NTRK2: variants seen among roughly 807,000 people sequenced by gnomAD.
NTRK2 encodes neurotrophic receptor tyrosine kinase 2.
NTRK2 carries 13 observed loss-of-function variants against 94.5 expected under a neutral mutation model. That is an observed-to-expected ratio of 0.14 (90% CI 0.09 to 0.22). NTRK2 has a LOEUF of 0.22. Among genes scored for constraint, NTRK2 ranks in the 10% least tolerant of loss-of-function variants. The probability of loss-of-function intolerance (pLI) is 1.00; values close to 1 mark genes in which losing one functional copy is unlikely to be tolerated. For synonymous variants in NTRK2, 372 were observed against 407.4 expected (o/e 0.91, Z 1.05); for missense variants, 639 against 1,071.2 (o/e 0.60, Z 5.63).
chr9:84,670,062 C>A (rs902506142), intron 1 of NTRK2, among the ~76,000 whole-genome samples, 174 bp downstream of exon 1: 3 of 152,196 alleles, frequency 2.0e-5, no homozygotes, highest in Admixed American at 2.0e-4. Context: ...GAGCCAAAGC[C>A]GCCGGCAGTC....
intron 14 of NTRK2, among the ~76,000 whole-genome samples, chr9:84,933,268 A>G (rs1426626906): frequency 1.3e-5 from 2 of 152,208 alleles, no homozygotes; most frequent in Non-Finnish European, 2.9e-5. Flanking sequence ...CACAGCTCAC[A>G]TGTACTTCTG....
intron 17 of NTRK2, among the ~76,000 whole-genome samples, chr9:84,972,168 A>G (rs936909865): frequency 2.0e-5 from 3 of 152,202 alleles, no homozygotes; most frequent in Non-Finnish European, 4.4e-5. Flanking sequence ...CTAAATGTGG[A>G]CATACTAGCT....
intron 12 of NTRK2, among the ~76,000 whole-genome samples, chr9:84,836,934 GTATAATATAATATAA>G (rs56390905): frequency 0.013 from 1,754 of 134,188 alleles, 14 homozygotes; most frequent in Admixed American, 0.025. Flanking sequence ...TTGTCGTAGA[GTATAATATAATATAA>G]TATAATATAA....
intron 4 of NTRK2, among the ~76,000 whole-genome samples, chr9:84,706,930 T>G (rs1285517199): frequency 6.6e-6 from 1 of 152,212 alleles, no homozygotes; most frequent in East Asian, 1.9e-4. Context: ...GTAGAGGTCT[T>G]GGCTGTTTTT....
intron 12 of NTRK2, among the ~76,000 whole-genome samples, chr9:84,776,856 G>A (rs931037158): frequency 2.0e-5 from 3 of 152,128 alleles, no homozygotes; most frequent in African/African-American, 7.2e-5. Flanking sequence ...TTGTTTTGGA[G>A]ACACTTTATT....
intron 13 of NTRK2, among the ~76,000 whole-genome samples, chr9:84,862,559 C>T (rs749381399): frequency 1.2e-4 from 18 of 152,286 alleles, no homozygotes; most frequent in Middle Eastern, 3.4e-3. Flanking sequence ...ATTATTCTTC[C>T]GGCTGCAGTC....
chr9:84,714,501 C>A (rs148238619), intron 6 of NTRK2, among the ~76,000 whole-genome samples: 120 of 152,234 alleles, frequency 7.9e-4, no homozygotes, highest in African/African-American at 2.8e-3. Flanking sequence ...TTCTGGATAT[C>A]TGGGATAAGA....
intron 5 of NTRK2, among the ~76,000 whole-genome samples, chr9:84,709,959 CTCTGTGTG>C (rs1342421663): frequency 0.057 from 6,674 of 116,462 alleles, 467 homozygotes; most frequent in African/African-American, 0.17. Context: ...GAATAGCTTG[CTCTGTGTG>C]TGTGTGTGTG....
intron 17 of NTRK2, among the ~76,000 whole-genome samples, chr9:84,956,602 A>G: frequency 6.6e-6 from 1 of 152,200 alleles, no homozygotes. Context: ...CTATAGCTTA[A>G]CAGCATAAAG....
chr9:84,711,225 T>G (rs149314493), intron 6 of NTRK2, among the ~76,000 whole-genome samples: 2 of 152,294 alleles, frequency 1.3e-5, no homozygotes, highest in East Asian at 3.9e-4. Context: ...TCCAATTCAA[T>G]CCAGCACATT....
intron 14 of NTRK2, among the ~76,000 whole-genome samples, chr9:84,870,126 T>TATATATATATAC (rs774255186): frequency 2.1e-5 from 2 of 95,654 alleles, no homozygotes; most frequent in Admixed American, 1.1e-4. Context: ...TATATATATA[T>TATATATATATAC]ACACACACAC....
chr9:84,848,374 T>C (rs1401154020), intron 12 of NTRK2, among the ~76,000 whole-genome samples: 2 of 152,200 alleles, frequency 1.3e-5, no homozygotes, highest in East Asian at 3.8e-4. Context: ...CAGTTGTAGT[T>C]GTTTCTATGG....
At chr9:84,754,478 A>G (rs986182718) in intron 12 of NTRK2, among the ~76,000 whole-genome samples, 2 of 152,180 alleles carry the variant, frequency 1.3e-5, no homozygotes, top group Non-Finnish European at 2.9e-5. Flanking sequence ...TGCAGATGAA[A>G]CTGCTTAAAA....
At chr9:84,970,750 A>G (rs1826097854) in intron 17 of NTRK2, among the ~76,000 whole-genome samples, 1 of 152,204 alleles carries the variant, frequency 6.6e-6, no homozygotes, top group African/African-American at 2.4e-5. Context: ...CTATCCAGCA[A>G]CTTCACTTAC....
chr9:84,748,825 T>A (rs2064324109), intron 11 of NTRK2, among the ~76,000 whole-genome samples: 1 of 152,202 alleles, frequency 6.6e-6, no homozygotes, highest in Non-Finnish European at 1.5e-5. Context: ...TAAAGATTTT[T>A]AAAAAACACC....
At chr9:84,848,667 G>A (rs374865019) in intron 12 of NTRK2, among the ~76,000 whole-genome samples, 3 of 152,136 alleles carry the variant, frequency 2.0e-5, no homozygotes, top group East Asian at 1.9e-4. Context: ...ACCCTCTGAC[G>A]TTTTGAATTA....
chr9:84,892,068 G>A (rs754009858), intron 14 of NTRK2, among the ~76,000 whole-genome samples: 5 of 152,180 alleles, frequency 3.3e-5, no homozygotes, highest in East Asian at 1.9e-4. Context: ...TCAGTAACAA[G>A]GATACTTTGA....
intron 14 of NTRK2, among the ~76,000 whole-genome samples, chr9:84,871,032 TA>T (rs1168194830): frequency 5.9e-5 from 9 of 152,214 alleles, no homozygotes; most frequent in African/African-American, 2.2e-4. Flanking sequence ...TATTTATTTA[TA>T]ACACTCTTTT....
At chr9:84,892,737 A>G (rs1407722998) in intron 14 of NTRK2, among the ~76,000 whole-genome samples, 1 of 152,206 alleles carries the variant, frequency 6.6e-6, no homozygotes, top group Admixed American at 6.5e-5. Context: ...CCTGGCCAAC[A>G]TGATGAAACT....
Sources: gnomAD v4.1 joint callset for allele counts (sites outside exome capture counted in the v4.1 genomes callset) on GRCh38, gnomAD v4.1.1 for gene constraint, MANE v1.5 for transcripts, NCBI Gene and HGNC (gene_info 2026-07-23, HGNC 2026-07-21) for gene names.